Variants in EYS observed in about 807,000 individuals in gnomAD.
EYS encodes the protein protein eyes shut homolog.
Under a neutral mutation model 282.1 loss-of-function variants are expected in EYS, and 250 were observed. The ratio of observed to expected loss-of-function variants is 0.89; its 90% CI spans 0.80 to 0.98. EYS has a LOEUF of 0.98. EYS is among the 50% of genes least tolerant of loss of function. The pLI is 0.00. For synonymous variants in EYS, 1,355 were observed against 1,282.9 expected (o/e 1.06, Z -1.20); for missense variants, 4,016 against 3,709.0 (o/e 1.08, Z -2.15).
At chr6:64,811,120 G>A (rs1305432239) in intron 22 of EYS, among the ~76,000 whole-genome samples, 1 of 151,980 alleles carries the variant, frequency 6.6e-6, no homozygotes, top group East Asian at 1.9e-4. Context: ...CCTAGAATAT[G>A]AGTTTTCTTT....
At chr6:64,960,241 G>A (rs2150105449) in intron 14 of EYS, among the ~76,000 whole-genome samples, 1 of 152,004 alleles carries the variant, frequency 6.6e-6, no homozygotes, top group South Asian at 2.1e-4. Context: ...ATATTAATAT[G>A]AACAATAAAA....
chr6:64,277,526 G>C (rs1768156476), intron 30 of EYS, among the ~76,000 whole-genome samples: 1 of 152,052 alleles, frequency 6.6e-6, no homozygotes, highest in African/African-American at 2.4e-5. Context: ...TCTACATTTA[G>C]TGAAAGAAGA....
intron 22 of EYS, among the ~76,000 whole-genome samples, chr6:64,736,657 A>G (rs541767659): frequency 6.6e-6 from 1 of 152,214 alleles, no homozygotes; most frequent in African/African-American, 2.4e-5. Context: ...TGTTTTTAAC[A>G]TTATATTTCT....
chr6:65,210,631 A>G (rs1346427470), intron 12 of EYS, among the ~76,000 whole-genome samples: 1 of 152,026 alleles, frequency 6.6e-6, no homozygotes, highest in South Asian at 2.1e-4. Context: ...AGTACATGGC[A>G]AAGAAAATAA....
At chr6:65,253,394 A>G (rs983697452) in intron 12 of EYS, among the ~76,000 whole-genome samples, 2 of 151,930 alleles carry the variant, frequency 1.3e-5, no homozygotes, top group Non-Finnish European at 2.9e-5. Flanking sequence ...AAATTGAAAT[A>G]TGTGAAAATA....
At position 64,902,167 on chromosome 6, in the gene EYS, T is replaced by C; in HGVS notation, c.2792A>G (p.Glu931Gly). The C allele has an allele frequency of 6.4e-7, 1 of 1,550,776 alleles. No homozygotes were observed. The highest frequency in any genetic ancestry group is 8.7e-7 in the Non-Finnish European group (1 of 1,146,486). The change falls in exon 18 of 43, where the codon GAA becomes GGA. Residue 931 changes from glutamate to glycine, a missense_variant. Coordinates refer to ENST00000503581, the MANE Select transcript of EYS (RefSeq NM_001142800.2). ...ATTTTTGCAAGGTTCAGAGGAACAT[T>C]CATTAATTTCAATTTCACACAGAGA... ...SGSLCEIEIN[E>G]CSSEPCKNNG...
intron 9 of EYS, among the ~76,000 whole-genome samples, chr6:65,351,065 A>G (rs1489633597): frequency 6.6e-6 from 1 of 151,782 alleles, no homozygotes; most frequent in South Asian, 2.1e-4. Context: ...TTTGCAATAC[A>G]TAAAATGTAT....
intron 30 of EYS, among the ~76,000 whole-genome samples, chr6:64,237,173 A>G (rs903251939): frequency 1.3e-5 from 2 of 152,200 alleles, no homozygotes; most frequent in Admixed American, 1.3e-4. Context: ...TGTTGTTTCA[A>G]ATTATATTTC....
intron 31 of EYS, among the ~76,000 whole-genome samples, chr6:64,087,121 AC>A (rs1234624783): frequency 6.6e-6 from 1 of 152,152 alleles, no homozygotes; most frequent in Non-Finnish European, 1.5e-5. Flanking sequence ...TTAGCATATA[AC>A]TTGGAAACTA....
intron 2 of EYS, among the ~76,000 whole-genome samples, chr6:65,567,903 C>T (rs1477194527): frequency 6.6e-6 from 1 of 151,976 alleles, no homozygotes. Flanking sequence ...AAACAATACC[C>T]CAAAATATGA....
At chr6:65,320,159 AC>A (rs1769432052) in intron 11 of EYS, among the ~76,000 whole-genome samples, 1 of 151,274 alleles carries the variant, frequency 6.6e-6, no homozygotes, top group East Asian at 1.9e-4. Context: ...GAAAAAAAAA[AC>A]ACACACACAC....
chr6:64,362,694 T>A (rs535114486), intron 29 of EYS, among the ~76,000 whole-genome samples: 2 of 151,958 alleles, frequency 1.3e-5, no homozygotes, highest in East Asian at 3.9e-4. Context: ...GTTTTTCTTT[T>A]CTTTATTTTT....
rs113233737 is a variant in EYS at position 64,339,613 on chromosome 6, GC to G, written c.6079-32532del. On this transcript the variant is annotated intron_variant, in intron 29 of 42. Transcript: ENST00000503581. Reference sequence around the variant, plus strand: ...AAAAGTAGAACTACCATTTGATCCGGCAATCCCACTACTGGGTATCTGCCCA... The same window carrying G: ...AAAAGTAGAACTACCATTTGATCCGGAATCCCACTACTGGGTATCTGCCCA... Among the ~76,000 whole-genome samples the G allele has an allele frequency of 4.2e-3, 639 of 151,972 alleles. 4 individuals are homozygous for G. The highest frequency in any genetic ancestry group is 0.014 in the African/African-American group (595 of 41,472).
intron 7 of EYS, among the ~76,000 whole-genome samples, chr6:65,387,532 CTG>C (rs573588082): frequency 1.6e-3 from 244 of 151,510 alleles, no homozygotes; most frequent in Non-Finnish European, 2.1e-3. Context: ...AAAATTATTA[CTG>C]TATTAAAATA....
intron 32 of EYS, among the ~76,000 whole-genome samples, chr6:64,080,480 C>A (rs1040673187): frequency 8.6e-5 from 13 of 152,008 alleles, no homozygotes; most frequent in Non-Finnish European, 4.4e-5. Context: ...GAGTAGATTG[C>A]AAAAATTTTC....
rs532617781 is a variant in EYS, at chr6:64,513,034, G to A, written c.5645-73682C>T. On this transcript the variant is annotated intron_variant, in intron 26 of 42. Coordinates refer to ENST00000503581, the MANE Select transcript of EYS (RefSeq NM_001142800.2). ...AGGAAAAAAAAAAGAAACTTAAGTAGGATTGACCCAAGTATCCAAACATAG... is the reference window on the plus strand; with the variant it reads ...AGGAAAAAAAAAAGAAACTTAAGTAAGATTGACCCAAGTATCCAAACATAG... Among the ~76,000 whole-genome samples, 7 of 151,424 alleles carry A rather than the reference G, an allele frequency of 4.6e-5. No homozygotes were observed. The South Asian group carries it at 1.0e-3, about 22-fold the overall frequency.
At chr6:65,545,361 T>C (rs1218743819) in intron 2 of EYS, among the ~76,000 whole-genome samples, 1 of 152,124 alleles carries the variant, frequency 6.6e-6, no homozygotes, top group Non-Finnish European at 1.5e-5. Context: ...TAAATTAGTA[T>C]TTAGATATTA....
At chr6:65,563,929 A>G (rs1769163886) in intron 2 of EYS, among the ~76,000 whole-genome samples, 1 of 152,172 alleles carries the variant, frequency 6.6e-6, no homozygotes. Flanking sequence ...ACTTCAGCAA[A>G]GTGTCAAGGT....
chr6:64,824,099 C>T (rs891153249), intron 19 of EYS, among the ~76,000 whole-genome samples: 2 of 151,838 alleles, frequency 1.3e-5, no homozygotes, highest in South Asian at 4.1e-4. Flanking sequence ...ATTATCTTCA[C>T]TCTGAGACCA....
Sources: allele counts gnomAD v4.1 joint callset (sites outside exome capture counted in the v4.1 genomes callset), GRCh38; gene constraint gnomAD v4.1.1; transcripts MANE v1.5; gene names NCBI Gene and HGNC (gene_info 2026-07-23, HGNC 2026-07-21).